TTC6: variants seen among roughly 807,000 people sequenced by gnomAD.
The protein encoded by TTC6 is tetratricopeptide repeat domain 6, also known as tetratricopeptide repeat protein 6.
TTC6 carries 172 observed loss-of-function variants against 210.4 expected under a neutral mutation model. That is an observed-to-expected ratio of 0.82 (90% CI 0.72 to 0.93). The LOEUF (loss-of-function observed/expected upper bound fraction) is 0.93, where lower values mean the gene tolerates loss of function less well. Ranked by LOEUF, TTC6 falls within the 40% of genes least tolerant of loss-of-function variation. The probability of loss-of-function intolerance (pLI) is 0.00; values close to 1 mark genes in which losing one functional copy is unlikely to be tolerated. For missense variants in TTC6, 2,414 were observed against 2,318.1 expected, an observed-to-expected ratio of 1.04 and a Z score of -0.85; for synonymous variants, 804 against 819.6, an observed-to-expected ratio of 0.98 and a Z score of 0.32.
chr14:37,801,273 C>A (rs926785898), intron 20 of TTC6, among the ~76,000 whole-genome samples: 2 of 152,124 alleles, frequency 1.3e-5, no homozygotes, highest in Non-Finnish European at 2.9e-5. Context: ...AGACTTGGAC[C>A]TGCTTTAAAT....
intron 29 of TTC6, among the ~76,000 whole-genome samples, chr14:37,830,264 A>G (rs571192454): frequency 6.6e-6 from 1 of 152,226 alleles, no homozygotes; most frequent in South Asian, 2.1e-4. Flanking sequence ...TTTTTTGTCA[A>G]GATAACCACA....
chr14:37,686,352 C>G (rs1486593285), intron 3 of TTC6, among the ~76,000 whole-genome samples: 1 of 152,194 alleles, frequency 6.6e-6, no homozygotes. Context: ...GGAATATCAG[C>G]AACCTGCTTA....
chr14:37,742,874 T>A (rs2095925090), intron 10 of TTC6, among the ~76,000 whole-genome samples: 1 of 152,174 alleles, frequency 6.6e-6, no homozygotes, highest in South Asian at 2.1e-4. Context: ...GCTACTTAAT[T>A]TCCTTGAATA....
chr14:37,704,275 G>A (rs1282465944), intron 5 of TTC6, among the ~76,000 whole-genome samples: 6 of 151,870 alleles, frequency 4.0e-5, no homozygotes, highest in Non-Finnish European at 7.4e-5. Context: ...GGCTGGTCTC[G>A]AACTCCTAGC....
intron 14 of TTC6, among the ~76,000 whole-genome samples, chr14:37,781,966 G>T (rs1196104323): frequency 6.6e-6 from 1 of 152,082 alleles, no homozygotes; most frequent in Non-Finnish European, 1.5e-5. Flanking sequence ...TGAGGGCTCT[G>T]TTCTGTTTCA....
At chr14:37,725,758 T>C (rs1166158538) in intron 7 of TTC6, among the ~76,000 whole-genome samples, 4 of 152,176 alleles carry the variant, frequency 2.6e-5, no homozygotes, top group Non-Finnish European at 5.9e-5. Context: ...ATGTTTTATT[T>C]GATTGAGAGT....
intron 2 of TTC6, among the ~76,000 whole-genome samples, chr14:37,681,846 A>G (rs1461355610): frequency 6.6e-6 from 1 of 152,180 alleles, no homozygotes; most frequent in Non-Finnish European, 1.5e-5. Flanking sequence ...CTAAGTACAA[A>G]AAAAGATATA....
chr14:37,716,219 A>G (rs2095852486), intron 6 of TTC6, among the ~76,000 whole-genome samples: 1 of 152,132 alleles, frequency 6.6e-6, no homozygotes, highest in Non-Finnish European at 1.5e-5. Context: ...AAAACACTAT[A>G]AATAAATAAA....
At chr14:37,812,243 A>T in intron 24 of TTC6, 71 bp from the exon 27 acceptor site, 4 of 1,495,418 alleles carry the variant, frequency 2.7e-6, no homozygotes, top group Non-Finnish European at 3.6e-6. Flanking sequence ...TTGGACATAA[A>T]TACGTTTGTC....
exon 11 of TTC6, chr14:37,749,003 C>T (rs960594729): frequency 5.7e-5 from 88 of 1,534,820 alleles, no homozygotes; most frequent in Non-Finnish European, 7.1e-5. Flanking sequence ...ATTATATGAA[C>T]GTCAAATACG....
chr14:37,635,461 G>A (rs973329997), intron 1 of TTC6, among the ~76,000 whole-genome samples: 1 of 152,196 alleles, frequency 6.6e-6, no homozygotes, highest in Non-Finnish European at 1.5e-5. Context: ...TAAGATATCA[G>A]TAACTGTAAG....
chr14:37,622,738 G>A lies in TTC6; in HGVS notation c.674G>A (p.Arg225Lys), dbSNP rs190963101. 1.1e-4 allele frequency: 171 copies of A among 1,535,104 alleles called. No homozygotes were observed. The African/African-American group carries it at 2.1e-3, about 19-fold the overall frequency. ...GCCAGCAGCGGGCGGAGGAAAGTGAGGATCCGCAGCAACTTCGTGAGCGAG... is the reference window on the plus strand; with the variant it reads ...GCCAGCAGCGGGCGGAGGAAAGTGAAGATCCGCAGCAACTTCGTGAGCGAG... The change falls in exon 1 of 31, where the codon AGG (arginine) becomes AAG (lysine). Residue 225 changes from arginine (R) to lysine (K), a missense_variant. Arg to Lys is a conservative substitution (Grantham distance 26, BLOSUM62 2). Coordinates refer to ENST00000553443, the Ensembl canonical transcript of TTC6.
chr14:37,640,449 T>C (rs2095689719), intron 1 of TTC6, among the ~76,000 whole-genome samples: 2 of 152,220 alleles, frequency 1.3e-5, no homozygotes, highest in South Asian at 4.1e-4. Flanking sequence ...TACTTGGATA[T>C]TTAGGGTAAA....
chr14:37,773,868 G>T (rs2096028637), intron 14 of TTC6, among the ~76,000 whole-genome samples: 1 of 152,094 alleles, frequency 6.6e-6, no homozygotes, highest in South Asian at 2.1e-4. Flanking sequence ...TTTTAACAAT[G>T]TTGATTCTTT....
chr14:37,828,047 C>T (rs541847826), intron 29 of TTC6: 10 of 152,130 alleles, frequency 6.6e-5, no homozygotes, highest in African/African-American at 2.4e-4. Context: ...TCTAACTCAC[C>T]TTAATTTATA....
intron 9 of TTC6, 131 bp downstream of exon 11, chr14:37,737,865 T>A: frequency 8.1e-6 from 4 of 492,352 alleles, no homozygotes; most frequent in Non-Finnish European, 1.4e-5. Flanking sequence ...TATTGAGTTT[T>A]ATATAGTTTC....
intron 1 of TTC6, among the ~76,000 whole-genome samples, chr14:37,638,126 A>C (rs2095684636): frequency 6.6e-6 from 1 of 152,234 alleles, no homozygotes; most frequent in Non-Finnish European, 1.5e-5. Context: ...TAGGAAGAAA[A>C]GGAAATGAAG....
chr14:37,789,596 T>TATATA (rs71433930), intron 15 of TTC6, among the ~76,000 whole-genome samples: 4 of 134,498 alleles, frequency 3.0e-5, no homozygotes, highest in Non-Finnish European at 6.3e-5. Flanking sequence ...TGGTTTCCTC[T>TATATA]TATATATATA....
intron 20 of TTC6, 50 bp downstream of exon 22, chr14:37,796,997 A>G: frequency 2.0e-6 from 3 of 1,478,546 alleles, no homozygotes; most frequent in Non-Finnish European, 2.7e-6. Context: ...TGAAGTGTAT[A>G]TATTGTGCTT....
Sources: gnomAD v4.1 joint callset for allele counts (sites outside exome capture counted in the v4.1 genomes callset) on GRCh38, gnomAD v4.1.1 for gene constraint, MANE v1.5 for transcripts, NCBI Gene and HGNC (gene_info 2026-07-23, HGNC 2026-07-21) for gene names.